SHISA6: variants seen among roughly 807,000 people sequenced by gnomAD.
The protein encoded by SHISA6 is protein shisa-6.
In SHISA6, 22 loss-of-function variants were observed where a neutral mutation model predicts 47.9. The observed-to-expected ratio is 0.46, with a 90% CI of 0.33 to 0.66. The LOEUF (loss-of-function observed/expected upper bound fraction) is 0.66, where lower values mean the gene tolerates loss of function less well. SHISA6 is among the 30% of genes least tolerant of loss of function. The pLI is 0.02. For synonymous variants in SHISA6, 388 were observed against 337.8 expected (o/e 1.15, Z -1.63); for missense variants, 680 against 764.6 (o/e 0.89, Z 1.30).
intron 3 of SHISA6, among the ~76,000 whole-genome samples, chr17:11,408,534 G>A (rs35826382): frequency 0.38 from 58,351 of 152,048 alleles, 11,465 homozygotes; most frequent in Middle Eastern, 0.46. Context: ...TGATGCAGAG[G>A]ATACATCATT....
intron 3 of SHISA6, among the ~76,000 whole-genome samples, chr17:11,440,442 C>T (rs1915064294): frequency 6.6e-6 from 1 of 151,836 alleles, no homozygotes; most frequent in East Asian, 2.0e-4. Flanking sequence ...TGCATTTTTG[C>T]TGCATCTGGC....
intron 3 of SHISA6, among the ~76,000 whole-genome samples, chr17:11,403,168 A>T (rs1913836789): frequency 6.6e-6 from 1 of 152,168 alleles, no homozygotes; most frequent in Non-Finnish European, 1.5e-5. Context: ...ATTTCCCCTT[A>T]CTTTAGTGAG....
intron 3 of SHISA6, among the ~76,000 whole-genome samples, chr17:11,408,809 G>A (rs1914034334): frequency 1.3e-5 from 2 of 152,140 alleles, no homozygotes; most frequent in African/African-American, 2.4e-5. Context: ...TGTTCCCCTT[G>A]CTCACAGCTG....
At chr17:11,537,594 C>T (rs533634790) in intron 3 of SHISA6, among the ~76,000 whole-genome samples, 17 of 152,270 alleles carry the variant, frequency 1.1e-4, no homozygotes, top group African/African-American at 4.1e-4. Context: ...AACCTGGCTA[C>T]AGGCCCAGAA....
intron 2 of SHISA6, among the ~76,000 whole-genome samples, chr17:11,280,809 A>G (rs1324674920): frequency 6.6e-6 from 1 of 152,244 alleles, no homozygotes; most frequent in East Asian, 1.9e-4. Flanking sequence ...CAATGGGTTG[A>G]ATGGCATGAG....
intron 2 of SHISA6, among the ~76,000 whole-genome samples, chr17:11,304,026 T>C (rs986036088): frequency 4.6e-5 from 7 of 152,196 alleles, no homozygotes; most frequent in African/African-American, 1.7e-4. Flanking sequence ...TCACTGTTTC[T>C]GCACAGACGA....
At chr17:11,402,592 G>A (rs7208960) in intron 3 of SHISA6, among the ~76,000 whole-genome samples, 7,696 of 152,234 alleles carry the variant, frequency 0.051, 579 homozygotes, top group African/African-American at 0.16. Context: ...TGTGGCAGAG[G>A]ATGAGGATTA....
intron 2 of SHISA6, among the ~76,000 whole-genome samples, chr17:11,358,792 A>G (rs1159784686): frequency 6.6e-6 from 1 of 150,920 alleles, no homozygotes; most frequent in South Asian, 2.1e-4. Flanking sequence ...CAGCTTCAGC[A>G]TCCCAAGTAG....
intron 2 of SHISA6, among the ~76,000 whole-genome samples, chr17:11,348,097 T>A (rs1026583985): frequency 1.3e-5 from 2 of 152,168 alleles, no homozygotes; most frequent in African/African-American, 4.8e-5. Context: ...CAGAAATATG[T>A]CCTAGCTGAA....
chr17:11,265,926 T>C (rs1417879829), intron 2 of SHISA6, among the ~76,000 whole-genome samples: 1 of 152,202 alleles, frequency 6.6e-6, no homozygotes. Context: ...ACTTCTATGT[T>C]TCAAGAAATT....
chr17:11,527,656 A>G (rs1387961259), intron 3 of SHISA6, among the ~76,000 whole-genome samples: 1 of 150,468 alleles, frequency 6.6e-6, no homozygotes, highest in Non-Finnish European at 1.5e-5. Context: ...CTGGCCTGCT[A>G]TCTGTTTTTG....
intron 3 of SHISA6, among the ~76,000 whole-genome samples, chr17:11,541,573 C>T (rs1226773748): frequency 6.6e-6 from 1 of 152,196 alleles, no homozygotes; most frequent in African/African-American, 2.4e-5. Flanking sequence ...TTTTCCCCTT[C>T]TATGAGATGT....
intron 2 of SHISA6, among the ~76,000 whole-genome samples, chr17:11,318,575 T>G (rs1910599868): frequency 6.6e-6 from 1 of 152,344 alleles, no homozygotes; most frequent in East Asian, 1.9e-4. Flanking sequence ...CATTTACCTG[T>G]TCCTGGTTGC....
chr17:11,391,876 C>T (rs1913396659), intron 3 of SHISA6, among the ~76,000 whole-genome samples: 1 of 152,180 alleles, frequency 6.6e-6, no homozygotes, highest in Non-Finnish European at 1.5e-5. Context: ...TGAGTTTGAA[C>T]ACCCCATGTG....
chr17:11,543,741 G>A (rs1202502531), intron 3 of SHISA6, among the ~76,000 whole-genome samples: 1 of 151,932 alleles, frequency 6.6e-6, no homozygotes, highest in Non-Finnish European at 1.5e-5. Flanking sequence ...AAACTGTGTG[G>A]CATTGGCAGA....
chr17:11,265,798 G>A (rs1320884655), intron 2 of SHISA6, among the ~76,000 whole-genome samples: 1 of 152,210 alleles, frequency 6.6e-6, no homozygotes, highest in African/African-American at 2.4e-5. Flanking sequence ...TAGGTGGACA[G>A]TCTGGATTTG....
chr17:11,271,243 G>A (rs960467385), intron 2 of SHISA6, among the ~76,000 whole-genome samples: 1 of 152,054 alleles, frequency 6.6e-6, no homozygotes, highest in African/African-American at 2.4e-5. Context: ...AGGGACCTGG[G>A]CAGGCCTTGG....
intron 3 of SHISA6, among the ~76,000 whole-genome samples, chr17:11,514,505 TG>T (rs2071566592): frequency 2.6e-5 from 4 of 152,234 alleles, no homozygotes; most frequent in Admixed American, 2.6e-4. Flanking sequence ...GGAAGGTAAC[TG>T]CAGCAGACCT....
At chr17:11,442,224 C>T (rs543708886) in intron 3 of SHISA6, among the ~76,000 whole-genome samples, 2 of 152,246 alleles carry the variant, frequency 1.3e-5, no homozygotes, top group African/African-American at 2.4e-5. Context: ...GAGTCTCAGA[C>T]TTATGGGCAC....
Sources: gnomAD v4.1 joint callset for allele counts (sites outside exome capture counted in the v4.1 genomes callset) on GRCh38, gnomAD v4.1.1 for gene constraint, MANE v1.5 for transcripts, NCBI Gene and HGNC (gene_info 2026-07-23, HGNC 2026-07-21) for gene names.